Variants in NPAS3 observed in about 807,000 individuals in gnomAD.
NPAS3 encodes neuronal PAS domain-containing protein 3.
Under a neutral mutation model 73.1 loss-of-function variants are expected in NPAS3, and 14 were observed. The observed-to-expected ratio is 0.19, with a 90% CI of 0.13 to 0.30. The LOEUF is 0.30. Ranked by LOEUF, NPAS3 falls within the 10% of genes least tolerant of loss-of-function variation. The pLI, the probability that NPAS3 is intolerant of heterozygous loss-of-function variation, is 1.00. For synonymous variants in NPAS3, 620 were observed against 541.5 expected, an observed-to-expected ratio of 1.14 and a Z score of -2.01; for missense variants, 1,096 against 1,250.0, an observed-to-expected ratio of 0.88 and a Z score of 1.86.
intron 6 of NPAS3, among the ~76,000 whole-genome samples, chr14:33,683,873 T>C (rs1022001263): frequency 5.3e-5 from 8 of 152,224 alleles, no homozygotes; most frequent in Admixed American, 5.2e-4. Context: ...ATGGTTGGCA[T>C]TCATATCCTC....
At chr14:33,261,482 T>G (rs75436188) in intron 3 of NPAS3, among the ~76,000 whole-genome samples, 3 of 152,140 alleles carry the variant, frequency 2.0e-5, no homozygotes, top group East Asian at 1.9e-4. Flanking sequence ...ATTTAAAAGA[T>G]AGTAACTCTT....
chr14:32,986,035 C>T (rs1019499249), intron 1 of NPAS3, among the ~76,000 whole-genome samples: 1 of 152,174 alleles, frequency 6.6e-6, no homozygotes, highest in Admixed American at 6.5e-5. Flanking sequence ...ACATGGGCGC[C>T]GCTGTGAGGA....
rs140196302 is a variant in NPAS3 at position 33,121,046 on chromosome 14, A to C, written c.140+65052A>C. Among the ~76,000 whole-genome samples, 60 of 152,184 alleles carry C rather than the reference A, an allele frequency of 3.9e-4. 1 individual carries two copies. Among genetic ancestry groups the C allele is most frequent in the Middle Eastern group, 6.8e-3 (2 of 294 alleles). The stretch of plus-strand genomic sequence containing the variant: ...CCACTACATTACTCAGAATGTTTGA[A>C]TCCCTCTTCCTTTGTCTATTGGCTC... On this transcript the variant is annotated intron_variant, in intron 2 of 11. Transcript: ENST00000356141.
chr14:33,082,961 A>G (rs2041905676), intron 2 of NPAS3, among the ~76,000 whole-genome samples: 1 of 152,016 alleles, frequency 6.6e-6, no homozygotes, highest in Admixed American at 6.6e-5. Context: ...GCAGATCATC[A>G]CTTGAGTTCA....
chr14:33,072,682 C>T (rs996854615), intron 2 of NPAS3, among the ~76,000 whole-genome samples: 9 of 152,184 alleles, frequency 5.9e-5, no homozygotes, highest in Admixed American at 3.3e-4. Context: ...TGTTTAGAAG[C>T]GAAATAGCAG....
chr14:33,778,984 A>G (rs1378214840), intron 9 of NPAS3, among the ~76,000 whole-genome samples: 1 of 152,210 alleles, frequency 6.6e-6, no homozygotes, highest in Non-Finnish European at 1.5e-5. Flanking sequence ...AAAAATGCCT[A>G]TTTGACCAGC....
chr14:33,081,771 G>C, intron 2 of NPAS3, among the ~76,000 whole-genome samples: 1 of 152,142 alleles, frequency 6.6e-6, no homozygotes, highest in East Asian at 1.9e-4. Flanking sequence ...TCAGCCAAAA[G>C]GAACCACTTC....
In NPAS3 at chr14:33,657,906, A is replaced by G. The variant is rs116500806; in HGVS notation, c.559-18305A>G. Among the ~76,000 whole-genome samples the G allele has an allele frequency of 6.9e-3, 1,050 of 152,332 alleles. 11 individuals are homozygous for G. The highest frequency in any genetic ancestry group is 0.024 in the African/African-American group (994 of 41,570). ...AAATTGACTGCAGGAAGCGATAGAA[A>G]TGCCAACTCTTCCAAGTAAATATCG... On this transcript the variant is annotated intron_variant, in intron 5 of 11. Transcript: ENST00000356141.
chr14:33,264,356 G>T (rs2139976556), intron 3 of NPAS3, among the ~76,000 whole-genome samples: 1 of 152,076 alleles, frequency 6.6e-6, no homozygotes, highest in South Asian at 2.1e-4. Context: ...CACCAACATA[G>T]CACATGTATA....
chr14:33,017,999 C>T (rs879548919), intron 1 of NPAS3, among the ~76,000 whole-genome samples: 26 of 151,730 alleles, frequency 1.7e-4, no homozygotes, highest in African/African-American at 4.6e-4. Flanking sequence ...ATTGTCATGT[C>T]GTGGCTTTAA....
intron 1 of NPAS3, among the ~76,000 whole-genome samples, chr14:33,049,962 C>T (rs1481883578): frequency 3.9e-5 from 6 of 152,102 alleles, no homozygotes; most frequent in Non-Finnish European, 7.3e-5. Flanking sequence ...CTGCTTTTAC[C>T]TTAAGGTTTC....
At chr14:32,988,418 A>G (rs556530987) in intron 1 of NPAS3, among the ~76,000 whole-genome samples, 20 of 152,332 alleles carry the variant, frequency 1.3e-4, no homozygotes, top group African/African-American at 4.1e-4. Flanking sequence ...GACACATCCT[A>G]TACATTAAAA....
chr14:32,939,036 G>C (rs942142215), upstream of NPAS3, among the ~76,000 whole-genome samples: 1 of 145,742 alleles, frequency 6.9e-6, no homozygotes. Context: ...GGGAGCACCG[G>C]CGGCGCGAGG....
chr14:33,400,389 G>A (rs2047397127), intron 4 of NPAS3, among the ~76,000 whole-genome samples: 1 of 152,138 alleles, frequency 6.6e-6, no homozygotes, highest in South Asian at 2.1e-4. Flanking sequence ...GAAAATTTAA[G>A]TCAAGTTCTG....
intron 1 of NPAS3, among the ~76,000 whole-genome samples, chr14:32,942,035 TC>T (rs2036038914): frequency 6.6e-6 from 1 of 152,230 alleles, no homozygotes; most frequent in Admixed American, 6.5e-5. Flanking sequence ...AGTGAGTAAT[TC>T]CACCTTTATT....
chr14:33,163,965 T>G (rs952513059), intron 2 of NPAS3, among the ~76,000 whole-genome samples: 5 of 152,218 alleles, frequency 3.3e-5, no homozygotes, highest in African/African-American at 1.2e-4. Context: ...TTGAATTGAC[T>G]GATTATACTG....
intron 2 of NPAS3, among the ~76,000 whole-genome samples, chr14:33,208,986 T>C (rs1191097434): frequency 6.6e-6 from 1 of 152,176 alleles, no homozygotes; most frequent in Non-Finnish European, 1.5e-5. Context: ...TCTTGATGTT[T>C]ACAGAGGCTA....
intron 3 of NPAS3, among the ~76,000 whole-genome samples, chr14:33,337,963 AT>A (rs35762578): frequency 4.0e-5 from 6 of 150,096 alleles, no homozygotes; most frequent in African/African-American, 7.3e-5. Flanking sequence ...ATTTCTAGGA[AT>A]TTTTTTTTGT....
At position 33,541,131 on chromosome 14, in the gene NPAS3, G is replaced by GCA. The variant is rs367677525; in HGVS notation, c.469-18979_469-18978dup. On this transcript the variant is annotated intron_variant, in intron 4 of 11. Coordinates refer to ENST00000356141, the Ensembl canonical transcript of NPAS3. ...TGTGTGTGTGTGTGTGTGTGTGCAT[G>GCA]CACACACACACATTAGTAATAGGAA... 5.2e-3 allele frequency among the ~76,000 whole-genome samples: 768 copies of GCA among 148,064 alleles called. 11 individuals are homozygous for GCA. The highest frequency in any genetic ancestry group is 0.018 in the African/African-American group (732 of 40,552).
Sources: gnomAD v4.1 joint callset for allele counts (sites outside exome capture counted in the v4.1 genomes callset) on GRCh38, gnomAD v4.1.1 for gene constraint, MANE v1.5 for transcripts, NCBI Gene and HGNC (gene_info 2026-07-23, HGNC 2026-07-21) for gene names.